The following MACROD2 variants were observed in gnomAD, a reference collection of about 807,000 sequenced individuals.
The protein encoded by MACROD2 is mono-ADP ribosylhydrolase 2.
Under a neutral mutation model 70.4 loss-of-function variants are expected in MACROD2, and 36 were observed. The ratio of observed to expected loss-of-function variants is 0.51; its 90% CI spans 0.39 to 0.68. MACROD2 has a LOEUF of 0.68. MACROD2 is among the 30% of genes least tolerant of loss of function. The probability of loss-of-function intolerance (pLI) is 0.00; values close to 1 mark genes in which losing one functional copy is unlikely to be tolerated. For missense variants in MACROD2, 496 were observed against 538.4 expected (o/e 0.92, Z 0.78); for synonymous variants, 172 against 178.8 (o/e 0.96, Z 0.30).
rs1986022822 is a variant in MACROD2 at position 14,657,278 on chromosome 20, AT to A, written c.302-27563del. Among the ~76,000 whole-genome samples, 3 of 152,372 alleles carry A rather than the reference AT, an allele frequency of 2.0e-5. No individual in the cohort carries two copies. The South Asian group carries it at 6.2e-4, about 32-fold the overall frequency. Reference sequence around the variant, plus strand: ...CTTCTAAGCGTGCTATTACTTATTCATTAGTAGAAGCCCTTTAATTTTATAT... The same window carrying A: ...CTTCTAAGCGTGCTATTACTTATTCATAGTAGAAGCCCTTTAATTTTATAT... On this transcript the variant is annotated intron_variant, in intron 4 of 17. Transcript: ENST00000684519.
intron 6 of MACROD2, among the ~76,000 whole-genome samples, chr20:15,333,191 GC>G (rs982761963): frequency 1.3e-5 from 2 of 151,518 alleles, no homozygotes; most frequent in Non-Finnish European, 2.9e-5. Context: ...AAAATTTTCA[GC>G]CCCACTCCAA....
At chr20:15,959,124 T>C (rs1366887672) in intron 12 of MACROD2, among the ~76,000 whole-genome samples, 1 of 152,266 alleles carries the variant, frequency 6.6e-6, no homozygotes, top group Non-Finnish European at 1.5e-5. Flanking sequence ...AATCCTTCTA[T>C]AATTGAAAAT....
chr20:14,283,751 T>C (rs1457753390), intron 3 of MACROD2, among the ~76,000 whole-genome samples: 2 of 152,118 alleles, frequency 1.3e-5, no homozygotes, highest in Non-Finnish European at 1.5e-5. Flanking sequence ...CTGCCTACCT[T>C]GGCATACCAA....
intron 8 of MACROD2, among the ~76,000 whole-genome samples, chr20:15,770,099 T>TA (rs1432021033): frequency 1.0e-5 from 1 of 98,304 alleles, no homozygotes; most frequent in African/African-American, 3.4e-5. Context: ...CTTTTTTTTT[T>TA]TTTTTTTTTT....
chr20:14,553,586 G>A (rs1978817545), intron 4 of MACROD2, among the ~76,000 whole-genome samples: 1 of 151,966 alleles, frequency 6.6e-6, no homozygotes, highest in South Asian at 2.1e-4. Flanking sequence ...GTTTACATCA[G>A]TATCATTCAT....
At chr20:15,040,109 G>A (rs1226022248) in intron 5 of MACROD2, among the ~76,000 whole-genome samples, 1 of 152,018 alleles carries the variant, frequency 6.6e-6, no homozygotes, top group Non-Finnish European at 1.5e-5. Context: ...TCATAGCTTT[G>A]AAGTACCTTG....
At chr20:15,390,109 C>G (rs752811551) in intron 6 of MACROD2, among the ~76,000 whole-genome samples, 4 of 152,166 alleles carry the variant, frequency 2.6e-5, no homozygotes, top group Non-Finnish European at 4.4e-5. Context: ...CCAGCCCCAG[C>G]CCACAAACTC....
intron 3 of MACROD2, among the ~76,000 whole-genome samples, chr20:14,429,237 T>C (rs2083968063): frequency 6.6e-6 from 1 of 152,188 alleles, no homozygotes; most frequent in Admixed American, 6.6e-5. Flanking sequence ...TATATATGTA[T>C]TTATTTCTTT....
At chr20:14,451,473 A>T (rs935723839) in intron 3 of MACROD2, among the ~76,000 whole-genome samples, 8 of 152,082 alleles carry the variant, frequency 5.3e-5, no homozygotes, top group African/African-American at 1.9e-4. Context: ...GTGTTACCCC[A>T]AGCATGTTAC....
chr20:14,722,406 A>G (rs1045991642), intron 5 of MACROD2, among the ~76,000 whole-genome samples: 6 of 152,118 alleles, frequency 3.9e-5, no homozygotes, highest in African/African-American at 1.4e-4. Flanking sequence ...TAACTCAGAT[A>G]ATCTAGGTTA....
At chr20:14,644,691 G>A (rs1047956766) in intron 4 of MACROD2, among the ~76,000 whole-genome samples, 2 of 152,106 alleles carry the variant, frequency 1.3e-5, no homozygotes, top group Non-Finnish European at 2.9e-5. Context: ...ACAGAAAATT[G>A]GTGCTGATCG....
chr20:15,340,218 A>C (rs1300877343), intron 6 of MACROD2, among the ~76,000 whole-genome samples: 3 of 135,304 alleles, frequency 2.2e-5, no homozygotes, highest in Non-Finnish European at 3.0e-5. Flanking sequence ...GGCTCACTGC[A>C]ACCTCTGCCT....
chr20:14,699,841 AC>A (rs2071172163), intron 5 of MACROD2, among the ~76,000 whole-genome samples: 1 of 123,350 alleles, frequency 8.1e-6, no homozygotes, highest in Non-Finnish European at 1.9e-5. Context: ...TAAAGTTTAA[AC>A]TTTTTAAATC....
intron 7 of MACROD2, among the ~76,000 whole-genome samples, chr20:15,497,618 C>T (rs1007805554): frequency 3.3e-5 from 5 of 152,116 alleles, no homozygotes; most frequent in Admixed American, 2.0e-4. Context: ...GCAGCTCACC[C>T]GTACTCTCAT....
intron 8 of MACROD2, among the ~76,000 whole-genome samples, chr20:15,839,532 G>T (rs2064149207): frequency 6.6e-6 from 1 of 152,086 alleles, no homozygotes. Flanking sequence ...TAACTCATTA[G>T]TCCAGAGGGG....
intron 8 of MACROD2, among the ~76,000 whole-genome samples, chr20:15,845,055 C>T (rs910866348): frequency 6.6e-6 from 1 of 152,140 alleles, no homozygotes; most frequent in Non-Finnish European, 1.5e-5. Flanking sequence ...GAAACAACTG[C>T]TGTTAAAGTC....
intron 3 of MACROD2, among the ~76,000 whole-genome samples, chr20:14,320,790 C>T (rs1289725795): frequency 2.0e-5 from 3 of 151,388 alleles, no homozygotes; most frequent in Non-Finnish European, 4.4e-5. Context: ...AAACCTCCCT[C>T]AGGTGATTCT....
chr20:15,585,035 A>G (rs556862201), intron 8 of MACROD2, among the ~76,000 whole-genome samples: 56 of 152,118 alleles, frequency 3.7e-4, no homozygotes, highest in Non-Finnish European at 6.3e-4. Context: ...GTGCCAGTCT[A>G]GGGGACTACA....
rs199583911 is a variant in MACROD2, at chr20:15,937,501, C to G, written c.864C>G (p.Pro288=). The change falls in exon 12 of 18, where the codon CCC becomes CCG. Residue 288 remains proline (P), a synonymous_variant. Coordinates refer to ENST00000684519, the MANE Select transcript of MACROD2 (RefSeq NM_001351661.2). ...ATGGTGTCAACACTGTCACTGTGCC[C>G]GGCCCTGCTTCAGAAGAGGCAGTTG... ...DADGVNTVTV[P]GPASEEAVED... is the part of the protein sequence containing the mutation. 1 of 1,613,118 alleles carries G rather than the reference C, an allele frequency of 6.2e-7. No individual in the cohort carries two copies. The highest frequency in any genetic ancestry group is 8.5e-7 in the Non-Finnish European group (1 of 1,179,482).
Sources: gnomAD v4.1 joint callset for allele counts (sites outside exome capture counted in the v4.1 genomes callset) on GRCh38, gnomAD v4.1.1 for gene constraint, MANE v1.5 for transcripts, NCBI Gene and HGNC (gene_info 2026-07-23, HGNC 2026-07-21) for gene names.